The following CDH13 variants were observed in gnomAD, a reference collection of about 807,000 sequenced individuals.
CDH13 encodes cadherin-13.
Under a neutral mutation model 63.8 loss-of-function variants are expected in CDH13, and 24 were observed. The ratio of observed to expected loss-of-function variants is 0.38; its 90% CI spans 0.27 to 0.53. The LOEUF (loss-of-function observed/expected upper bound fraction) is 0.53. Among genes scored for constraint, CDH13 ranks in the 20% least tolerant of loss-of-function variants. CDH13 has a pLI of 0.85. For missense variants in CDH13, 1,049 were observed against 903.1 expected (o/e 1.16, Z -2.07); for synonymous variants, 503 against 355.3 (o/e 1.42, Z -4.67).
intron 1 of CDH13, among the ~76,000 whole-genome samples, chr16:82,669,769 C>T (rs112526078): frequency 0.015 from 2,215 of 152,312 alleles, 61 homozygotes; most frequent in African/African-American, 0.051. Context: ...CCCCAGTTAT[C>T]ACCCTCTCCA....
chr16:82,968,772 C>A (rs1472929648), intron 2 of CDH13, among the ~76,000 whole-genome samples: 1 of 152,168 alleles, frequency 6.6e-6, no homozygotes, highest in Non-Finnish European at 1.5e-5. Context: ...ACACTCCGTT[C>A]CCCTCAATAG....
chr16:83,650,340 A>C (rs11859365), intron 8 of CDH13, among the ~76,000 whole-genome samples: 41,104 of 152,164 alleles, frequency 0.27, 5,719 homozygotes, highest in African/African-American at 0.33. Flanking sequence ...TTTACCCTTG[A>C]ATGTTTTTCT....
intron 4 of CDH13, among the ~76,000 whole-genome samples, chr16:83,185,158 G>A (rs1229575273): frequency 6.6e-6 from 1 of 152,130 alleles, no homozygotes; most frequent in African/African-American, 2.4e-5. Context: ...TGGCAGCACT[G>A]AGATTTGTAT....
chr16:83,352,119 C>T (rs147495160), intron 6 of CDH13, among the ~76,000 whole-genome samples: 1 of 152,134 alleles, frequency 6.6e-6, no homozygotes, highest in East Asian at 1.9e-4. Context: ...CTGCAGAGCC[C>T]TTGAGCTTGG....
At chr16:83,717,628 C>G (rs1317043739) in intron 10 of CDH13, among the ~76,000 whole-genome samples, 2 of 152,234 alleles carry the variant, frequency 1.3e-5, no homozygotes, top group Non-Finnish European at 2.9e-5. Flanking sequence ...GCTGTGAGCT[C>G]CTTTCACCTC....
chr16:83,764,851 T>C (rs1023523328), intron 11 of CDH13, among the ~76,000 whole-genome samples: 5 of 152,202 alleles, frequency 3.3e-5, no homozygotes, highest in African/African-American at 1.2e-4. Context: ...AGTCCTGGCC[T>C]CCTCACTCAA....
intron 8 of CDH13, among the ~76,000 whole-genome samples, chr16:83,636,364 A>G (rs1007104987): frequency 6.6e-6 from 1 of 152,124 alleles, no homozygotes; most frequent in African/African-American, 2.4e-5. Flanking sequence ...ACGAAGGTAT[A>G]TTACATGATG....
intron 1 of CDH13, among the ~76,000 whole-genome samples, chr16:82,749,914 A>G (rs116238824): frequency 2.0e-5 from 3 of 152,172 alleles, no homozygotes; most frequent in East Asian, 3.9e-4. Context: ...AAAAAAATGT[A>G]TAAGTTGAAG....
At chr16:83,727,896 G>C (rs898206084) in intron 10 of CDH13, among the ~76,000 whole-genome samples, 1 of 152,132 alleles carries the variant, frequency 6.6e-6, no homozygotes. Context: ...TAATGGGCTC[G>C]CTTCTCAAAG....
chr16:83,403,423 A>G (rs1426616776), intron 6 of CDH13, among the ~76,000 whole-genome samples: 1 of 152,108 alleles, frequency 6.6e-6, no homozygotes, highest in Non-Finnish European at 1.5e-5. Context: ...GGAGATCGAG[A>G]GCATCCTGGC....
intron 5 of CDH13, among the ~76,000 whole-genome samples, chr16:83,258,016 C>T (rs558246459): frequency 2.0e-5 from 3 of 152,264 alleles, no homozygotes; most frequent in East Asian, 3.9e-4. Flanking sequence ...TCTCTAATGA[C>T]ACTGATCATT....
intron 3 of CDH13, among the ~76,000 whole-genome samples, chr16:83,043,491 G>GTACACATATATACACACA (rs1917506481): frequency 5.3e-5 from 1 of 18,830 alleles, no homozygotes; most frequent in South Asian, 2.6e-3. Context: ...GTATATATGA[G>GTACACATATATACACACA]TGTGTGTGTG....
intron 2 of CDH13, among the ~76,000 whole-genome samples, chr16:82,911,039 A>C (rs1333181213): frequency 2.6e-5 from 4 of 152,180 alleles, no homozygotes; most frequent in Non-Finnish European, 5.9e-5. Context: ...GCCGCAGAGT[A>C]AGGCAGACCC....
intron 7 of CDH13, among the ~76,000 whole-genome samples, chr16:83,531,415 T>G (rs2075080387): frequency 6.6e-6 from 1 of 152,208 alleles, no homozygotes; most frequent in African/African-American, 2.4e-5. Context: ...TATGTTACCT[T>G]ACACAGCAAC....
chr16:82,727,317 T>A (rs1161894533), intron 1 of CDH13, among the ~76,000 whole-genome samples: 1 of 152,014 alleles, frequency 6.6e-6, no homozygotes, highest in Non-Finnish European at 1.5e-5. Context: ...TCCCATTGCA[T>A]TTTTTTTCCT....
intron 7 of CDH13, among the ~76,000 whole-genome samples, chr16:83,560,830 T>C (rs1035941762): frequency 1.3e-5 from 2 of 152,100 alleles, no homozygotes; most frequent in Non-Finnish European, 2.9e-5. Context: ...TGGTTCCCCT[T>C]TGGGGTATGC....
chr16:82,689,200 C>A (rs62036331), intron 1 of CDH13, among the ~76,000 whole-genome samples: 7,508 of 150,222 alleles, frequency 0.05, 271 homozygotes, highest in Non-Finnish European at 0.079. Flanking sequence ...ACCAGCCTGT[C>A]AAACTGTGCA....
intron 1 of CDH13, among the ~76,000 whole-genome samples, chr16:82,760,280 C>T (rs940449587): frequency 6.6e-6 from 1 of 152,142 alleles, no homozygotes; most frequent in Non-Finnish European, 1.5e-5. Flanking sequence ...TGCAATTAGC[C>T]TGTTATCAAA....
chr16:83,700,201 G>T (rs982615499), intron 10 of CDH13, among the ~76,000 whole-genome samples: 2 of 151,988 alleles, frequency 1.3e-5, no homozygotes, highest in Non-Finnish European at 2.9e-5. Context: ...TTTTTTGTCT[G>T]GCTCCTTCTG....
Sources: gnomAD v4.1 joint callset for allele counts (sites outside exome capture counted in the v4.1 genomes callset) on GRCh38, gnomAD v4.1.1 for gene constraint, MANE v1.5 for transcripts, NCBI Gene and HGNC (gene_info 2026-07-23, HGNC 2026-07-21) for gene names.